CTNNBL1: variants seen among roughly 807,000 people sequenced by gnomAD.
CTNNBL1 encodes the protein catenin beta like 1, also known as beta-catenin-like protein 1.
CTNNBL1 carries 31 observed loss-of-function variants against 72.7 expected under a neutral mutation model. That is an observed-to-expected ratio of 0.43 (90% CI 0.32 to 0.58). CTNNBL1 has a LOEUF of 0.58. Among genes scored for constraint, CTNNBL1 ranks in the 20% least tolerant of loss-of-function variants. CTNNBL1 has a pLI of 0.08. For missense variants in CTNNBL1, 534 were observed against 725.1 expected (o/e 0.74, Z 3.03); for synonymous variants, 240 against 267.3 (o/e 0.90, Z 1.00).
intron 3 of CTNNBL1, among the ~76,000 whole-genome samples, chr20:37,745,771 T>C (rs756698916): frequency 6.6e-5 from 10 of 152,230 alleles, no homozygotes; most frequent in Non-Finnish European, 1.5e-4. Flanking sequence ...CATCCAAGGC[T>C]TAATCGGCAT....
intron 11 of CTNNBL1, among the ~76,000 whole-genome samples, chr20:37,831,405 A>G (rs375162119): frequency 1.0e-3 from 157 of 150,224 alleles, no homozygotes; most frequent in African/African-American, 3.4e-3. Flanking sequence ...CTGCTCTGAC[A>G]CCCAGACTGG....
intron 1 of CTNNBL1, among the ~76,000 whole-genome samples, chr20:37,725,189 G>A (rs2073073112): frequency 6.6e-6 from 1 of 152,124 alleles, no homozygotes; most frequent in African/African-American, 2.4e-5. Context: ...TTACAGGCGT[G>A]TGCCACTGCA....
intron 1 of CTNNBL1, among the ~76,000 whole-genome samples, chr20:37,705,476 T>G (rs746130637): frequency 4.6e-5 from 7 of 152,240 alleles, no homozygotes; most frequent in Non-Finnish European, 8.8e-5. Context: ...AAAAATTTTT[T>G]TTTAATTCTA....
At chr20:37,755,109 T>C (rs1049111121) in intron 4 of CTNNBL1, among the ~76,000 whole-genome samples, 3 of 152,160 alleles carry the variant, frequency 2.0e-5, no homozygotes, top group Non-Finnish European at 4.4e-5. Context: ...AGGCCAGAGA[T>C]CTTAACCACT....
chr20:37,868,786 C>T (rs1568820135), intron 15 of CTNNBL1, among the ~76,000 whole-genome samples: 1 of 152,194 alleles, frequency 6.6e-6, no homozygotes, highest in Non-Finnish European at 1.5e-5. Context: ...GGGAAGCCGG[C>T]TTTACTGTTG....
rs1448633473 is a variant in CTNNBL1, at chr20:37,782,024, G to A, written c.1031+2689G>A. 3.9e-5 allele frequency among the ~76,000 whole-genome samples: 6 copies of A among 152,180 alleles called. No homozygotes were observed. In the South Asian group the frequency reaches 6.2e-4, roughly 16 times the overall value. ...CCCTCAGTTTTTCATCTGAAAACCG[G>A]CACTAATAATACCAAATTTACAGGT... On this transcript the variant is annotated intron_variant, in intron 10 of 15. Coordinates refer to ENST00000361383, the MANE Select transcript of CTNNBL1 (RefSeq NM_030877.5).
chr20:37,739,746 C>T (rs1267866518), intron 3 of CTNNBL1, among the ~76,000 whole-genome samples: 1 of 152,128 alleles, frequency 6.6e-6, no homozygotes, highest in Non-Finnish European at 1.5e-5. Flanking sequence ...AGACTCTGTT[C>T]CTTTTAGGAG....
intron 3 of CTNNBL1, among the ~76,000 whole-genome samples, chr20:37,741,507 C>T (rs2073215588): frequency 6.6e-6 from 1 of 152,218 alleles, no homozygotes; most frequent in Admixed American, 6.5e-5. Context: ...CAGGTTGGGA[C>T]ACCACGCTCT....
At chr20:37,717,325 G>T (rs1346402794) in intron 1 of CTNNBL1, among the ~76,000 whole-genome samples, 1 of 152,196 alleles carries the variant, frequency 6.6e-6, no homozygotes, top group East Asian at 1.9e-4. Flanking sequence ...CTGTTAACAG[G>T]TATGTCTTGT....
Position 37,842,332 on chromosome 20 carries a change from C to T in CTNNBL1, c.1312-7C>T. Reference sequence around the variant, plus strand: ...TCTCACTCAAGCCTGTGAAATCTCTCTTTCAGGTTGACAGACTAATGGAGT... The same window carrying T: ...TCTCACTCAAGCCTGTGAAATCTCTTTTTCAGGTTGACAGACTAATGGAGT... On this transcript the variant is annotated splice_polypyrimidine_tract_variant and splice_region_variant and intron_variant, in intron 12 of 15. Transcript: ENST00000361383. 6.2e-7 allele frequency: 1 copy of T among 1,604,626 alleles called. No individual in the cohort carries two copies. Among genetic ancestry groups the T allele is most frequent in the South Asian group, 1.1e-5 (1 of 90,886 alleles).
chr20:37,719,484 G>T (rs2122574480), intron 1 of CTNNBL1, among the ~76,000 whole-genome samples: 1 of 152,310 alleles, frequency 6.6e-6, no homozygotes. Context: ...AAGATTGAAA[G>T]TGCCTTGAAG....
chr20:37,805,656 C>G (rs1412608581), intron 11 of CTNNBL1, among the ~76,000 whole-genome samples: 1 of 152,132 alleles, frequency 6.6e-6, no homozygotes, highest in African/African-American at 2.4e-5. Flanking sequence ...CTTGGCCTCC[C>G]AAAATGCTGA....
At chr20:37,856,567 G>C (rs545462387) in intron 13 of CTNNBL1, among the ~76,000 whole-genome samples, 1 of 151,072 alleles carries the variant, frequency 6.6e-6, no homozygotes, top group South Asian at 2.1e-4. Context: ...GCTGGGGTGA[G>C]GGGGAGTGAG....
intron 11 of CTNNBL1, among the ~76,000 whole-genome samples, chr20:37,833,060 G>A (rs2072225067): frequency 6.6e-6 from 1 of 152,146 alleles, no homozygotes; most frequent in Admixed American, 6.5e-5. Flanking sequence ...AGTCTCAAAT[G>A]TCTGTCATGA....
At chr20:37,845,348 T>C (rs891322233) in intron 13 of CTNNBL1, among the ~76,000 whole-genome samples, 5 of 152,152 alleles carry the variant, frequency 3.3e-5, no homozygotes, top group African/African-American at 1.2e-4. Flanking sequence ...GGGTGTGAAA[T>C]TGATTAGCAC....
intron 10 of CTNNBL1, among the ~76,000 whole-genome samples, chr20:37,791,515 A>G (rs542502892): frequency 3.3e-5 from 5 of 152,118 alleles, no homozygotes; most frequent in Non-Finnish European, 5.9e-5. Context: ...TTTTGGTGAT[A>G]TCTCTTCAAA....
At position 37,871,830 on chromosome 20, in the gene CTNNBL1, G is replaced by C; in HGVS notation, c.1604-95G>C. The C allele has an allele frequency of 1.4e-5, 16 of 1,112,606 alleles. No homozygotes were observed. In the South Asian group the frequency reaches 1.8e-4, roughly 12 times the overall value. The allele number at this position is 1,112,606 out of a possible 1,614,324, so 68.9% of individuals were successfully genotyped here. ...GGGCATTAGGGCGACTTGCACCTCT[G>C]TGGGAGCTGGGGTTCTGGGAAAGGT... On this transcript the variant is annotated intron_variant, in intron 15 of 15. Transcript: ENST00000361383.
intron 13 of CTNNBL1, among the ~76,000 whole-genome samples, chr20:37,846,753 C>T (rs1027335549): frequency 1.6e-4 from 24 of 152,120 alleles, no homozygotes; most frequent in Non-Finnish European, 3.1e-4. Flanking sequence ...GCCACACAGC[C>T]TTTGTTTCCT....
chr20:37,796,986 T>A (rs113914930), intron 10 of CTNNBL1, among the ~76,000 whole-genome samples: 1 of 152,170 alleles, frequency 6.6e-6, no homozygotes, highest in Non-Finnish European at 1.5e-5. Context: ...TGGGTAGTGA[T>A]GTGTTGGAGC....
Sources: gnomAD v4.1 joint callset for allele counts (sites outside exome capture counted in the v4.1 genomes callset) on GRCh38, gnomAD v4.1.1 for gene constraint, MANE v1.5 for transcripts, NCBI Gene and HGNC (gene_info 2026-07-23, HGNC 2026-07-21) for gene names.